EXOC6: variants seen among roughly 807,000 people sequenced by gnomAD.
The protein encoded by EXOC6 is SEC15-like 1.
Under a neutral mutation model 112.5 loss-of-function variants are expected in EXOC6, and 60 were observed. The observed-to-expected ratio is 0.53, with a 90% confidence interval of 0.43 to 0.66. The LOEUF is 0.66. Ranked by LOEUF, EXOC6 falls within the 30% of genes least tolerant of loss-of-function variation. The pLI is 0.00. For missense variants in EXOC6, 855 were observed against 957.1 expected (o/e 0.89, Z 1.41); for synonymous variants, 295 against 308.0 (o/e 0.96, Z 0.44).
chr10:92,964,005 A>T (rs1854162855), intron 17 of EXOC6, among the ~76,000 whole-genome samples: 1 of 149,062 alleles, frequency 6.7e-6, no homozygotes, highest in African/African-American at 2.5e-5. Flanking sequence ...CTCTTTTTTA[A>T]AAAAAAAAAA....
intron 9 of EXOC6, among the ~76,000 whole-genome samples, chr10:92,931,842 T>G (rs897271293): frequency 6.6e-6 from 1 of 152,044 alleles, no homozygotes; most frequent in Non-Finnish European, 1.5e-5. Flanking sequence ...TTCTGATAGA[T>G]ATAAAATTAT....
chr10:92,848,775 G>A (rs1430858438), intron 1 of EXOC6, 141 bp downstream of exon 1: 2 of 566,996 alleles, frequency 3.5e-6, no homozygotes, highest in Non-Finnish European at 4.7e-6. Context: ...GGGCGCTCGC[G>A]GGTGGCGGAA....
At chr10:92,965,279 T>G (rs1046086593) in intron 17 of EXOC6, among the ~76,000 whole-genome samples, 1 of 152,200 alleles carries the variant, frequency 6.6e-6, no homozygotes, top group Admixed American at 6.5e-5. Context: ...TGTATATGTT[T>G]TAAAAAGTTC....
intron 1 of EXOC6, among the ~76,000 whole-genome samples, chr10:92,864,221 G>A (rs984213576): frequency 6.6e-5 from 10 of 152,178 alleles, no homozygotes; most frequent in Non-Finnish European, 2.9e-5. Flanking sequence ...CGTATTGTAG[G>A]CAGAGGCATT....
At chr10:92,949,356 GC>G (rs1446361135) in intron 14 of EXOC6, among the ~76,000 whole-genome samples, 9 of 152,126 alleles carry the variant, frequency 5.9e-5, no homozygotes, top group African/African-American at 2.2e-4. Context: ...AGCTAATGCC[GC>G]CATTGCATAT....
chr10:92,836,395 A>C (rs946992491), intron 1 of EXOC6, among the ~76,000 whole-genome samples: 1 of 152,160 alleles, frequency 6.6e-6, no homozygotes, highest in African/African-American at 2.4e-5. Context: ...GCAAAAAATC[A>C]TTTAGATTTG....
At chr10:92,864,405 C>A (rs1848070349) in intron 1 of EXOC6, among the ~76,000 whole-genome samples, 1 of 152,194 alleles carries the variant, frequency 6.6e-6, no homozygotes, top group Non-Finnish European at 1.5e-5. Context: ...ACACTTGACT[C>A]TAGAGCACTG....
chr10:92,992,330 A>G (rs1843302168), intron 18 of EXOC6, among the ~76,000 whole-genome samples: 1 of 150,314 alleles, frequency 6.7e-6, no homozygotes, highest in Admixed American at 6.7e-5. Flanking sequence ...TCAAGGTAGT[A>G]TTAATGTTAT....
At chr10:92,926,877 G>T (rs1050436843) in intron 8 of EXOC6, among the ~76,000 whole-genome samples, 1 of 151,912 alleles carries the variant, frequency 6.6e-6, no homozygotes, top group African/African-American at 2.4e-5. Context: ...TTTAAATGAG[G>T]ATTTAGCAGT....
At chr10:92,966,288 A>ATTC (rs1842047871) in intron 17 of EXOC6, among the ~76,000 whole-genome samples, 1 of 146,384 alleles carries the variant, frequency 6.8e-6, no homozygotes, top group Non-Finnish European at 1.5e-5. Context: ...TATAATTATT[A>ATTC]TTATTATTAT....
chr10:92,925,125 C>T (rs1851643589), intron 8 of EXOC6, among the ~76,000 whole-genome samples: 1 of 152,092 alleles, frequency 6.6e-6, no homozygotes, highest in South Asian at 2.1e-4. Context: ...ATGCTCCTTA[C>T]TTCATAAAAG....
chr10:93,025,653 G>A (rs1844995606), intron 20 of EXOC6, among the ~76,000 whole-genome samples: 2 of 152,054 alleles, frequency 1.3e-5, no homozygotes, highest in Admixed American at 1.3e-4. Context: ...AAAGAGGAGT[G>A]GTCATTCCTT....
intron 20 of EXOC6, among the ~76,000 whole-genome samples, chr10:93,028,431 T>TA (rs558624200): frequency 3.3e-5 from 5 of 152,370 alleles, no homozygotes; most frequent in Admixed American, 1.3e-4. Flanking sequence ...ATTGAGTTGC[T>TA]AAAATCTCAT....
chr10:92,974,979 G>C (rs533229292), intron 18 of EXOC6, among the ~76,000 whole-genome samples: 1 of 151,956 alleles, frequency 6.6e-6, no homozygotes, highest in African/African-American at 2.4e-5. Flanking sequence ...GCCTCTGCCC[G>C]GCCGCCACCC....
intron 20 of EXOC6, among the ~76,000 whole-genome samples, chr10:93,033,043 TAGG>T (rs1382949936): frequency 1.3e-5 from 2 of 152,018 alleles, no homozygotes; most frequent in Non-Finnish European, 2.9e-5. Flanking sequence ...CAAATGAAAT[TAGG>T]AGGATTATCA....
chr10:92,899,461 AT>A (rs1299556232), intron 4 of EXOC6, 137 bp from the exon 5 acceptor site: 1 of 582,968 alleles, frequency 1.7e-6, no homozygotes, highest in African/African-American at 1.9e-5. Context: ...TTAACATTTT[AT>A]TTGAAAATAT....
chr10:92,974,875 G>T (rs1317787986), intron 18 of EXOC6, among the ~76,000 whole-genome samples: 7 of 152,192 alleles, frequency 4.6e-5, no homozygotes, highest in Non-Finnish European at 1.0e-4. Flanking sequence ...GTGCTCAATG[G>T]TGCCCAGGCT....
At chr10:93,007,839 A>G (rs938106953) in intron 19 of EXOC6, among the ~76,000 whole-genome samples, 2 of 152,176 alleles carry the variant, frequency 1.3e-5, no homozygotes, top group African/African-American at 4.8e-5. Context: ...TACCTTCCCA[A>G]TAAGATCAGA....
intron 1 of EXOC6, among the ~76,000 whole-genome samples, chr10:92,837,205 C>G (rs1311674878): frequency 6.6e-6 from 1 of 151,566 alleles, no homozygotes; most frequent in Non-Finnish European, 1.5e-5. Context: ...ATTGTGAATC[C>G]CCATCTAGAT....
Sources: allele counts gnomAD v4.1 joint callset (sites outside exome capture counted in the v4.1 genomes callset), GRCh38; gene constraint gnomAD v4.1.1; transcripts MANE v1.5; gene names NCBI Gene and HGNC (gene_info 2026-07-23, HGNC 2026-07-21).